The following TCERG1L variants were observed in gnomAD, a reference collection of about 807,000 sequenced individuals.
TCERG1L encodes the protein transcription elongation regulator 1-like protein.
In TCERG1L, 37 loss-of-function variants were observed where a neutral mutation model predicts 56.3. That is an observed-to-expected ratio of 0.66 (90% CI 0.51 to 0.87). The LOEUF (loss-of-function observed/expected upper bound fraction) is 0.87, where lower values mean the gene tolerates loss of function less well. TCERG1L is among the 40% of genes least tolerant of loss of function. The probability of loss-of-function intolerance (pLI) is 0.00; values close to 1 mark genes in which losing one functional copy is unlikely to be tolerated. For missense variants in TCERG1L, 799 were observed against 774.2 expected (o/e 1.03, Z -0.38); for synonymous variants, 324 against 326.3 (o/e 0.99, Z 0.08).
intron 6 of TCERG1L, among the ~76,000 whole-genome samples, chr10:131,151,704 ACTCTGTGTGGGGG>A (rs1485114936): frequency 6.6e-6 from 1 of 151,786 alleles, no homozygotes; most frequent in East Asian, 1.9e-4. Context: ...CCCAGTAGAG[ACTCTGTGTGGGGG>A]CTCTGACCCC....
intron 10 of TCERG1L, among the ~76,000 whole-genome samples, chr10:131,102,659 T>C (rs1845315222): frequency 6.6e-6 from 1 of 152,130 alleles, no homozygotes; most frequent in Non-Finnish European, 1.5e-5. Context: ...CGGCTCTTCT[T>C]GATAGCTCCC....
chr10:131,268,931 A>C (rs1846310649), intron 3 of TCERG1L, among the ~76,000 whole-genome samples: 1 of 152,106 alleles, frequency 6.6e-6, no homozygotes, highest in Non-Finnish European at 1.5e-5. Context: ...AGGCTGTTTC[A>C]CTTTATCTTT....
At chr10:131,135,938 C>T (rs1234644084) in intron 7 of TCERG1L, among the ~76,000 whole-genome samples, 3 of 152,230 alleles carry the variant, frequency 2.0e-5, no homozygotes, top group East Asian at 1.9e-4. Context: ...GGCTTTTCAG[C>T]GGCCCCTGGT....
intron 4 of TCERG1L, among the ~76,000 whole-genome samples, chr10:131,211,967 A>G (rs1232905405): frequency 6.6e-6 from 1 of 152,234 alleles, no homozygotes; most frequent in Non-Finnish European, 1.5e-5. Flanking sequence ...GACCATCCAC[A>G]GATCTTTCCT....
At chr10:131,282,355 CAG>C (rs1846469261) in intron 3 of TCERG1L, among the ~76,000 whole-genome samples, 1 of 132,826 alleles carries the variant, frequency 7.5e-6, no homozygotes, top group Non-Finnish European at 1.7e-5. Flanking sequence ...GTTTTAGAAA[CAG>C]ACATTATTTT....
intron 4 of TCERG1L, among the ~76,000 whole-genome samples, chr10:131,216,830 A>C (rs1845674552): frequency 6.6e-6 from 1 of 152,204 alleles, no homozygotes; most frequent in Non-Finnish European, 1.5e-5. Flanking sequence ...AGCTGTCCGC[A>C]GAGGGAAGTG....
intron 4 of TCERG1L, among the ~76,000 whole-genome samples, chr10:131,248,765 C>T (rs929199369): frequency 6.6e-6 from 1 of 152,220 alleles, no homozygotes; most frequent in Non-Finnish European, 1.5e-5. Flanking sequence ...CTGCCCAAGT[C>T]TCCGGCAGAG....
In TCERG1L at chr10:131,104,312, C is replaced by T. The variant is rs764243476; in HGVS notation, c.1438G>A (p.Val480Met). 5 of 1,550,768 alleles carry T rather than the reference C, an allele frequency of 3.2e-6. No individual in the cohort carries two copies. Among genetic ancestry groups the T allele is most frequent in the Middle Eastern group, 3.3e-4 (2 of 6,014 alleles). The change falls in exon 10 of 12, where the codon GTG (valine) becomes ATG (methionine). Residue 480 changes from valine to methionine, a missense_variant. Transcript: ENST00000368642. The stretch of plus-strand genomic sequence containing the variant: ...AGCAGGAGATAGCGTGGGTCAAACA[C>T]GATTTTGTGTAATTCTTTCTCCCAG... ...STWEKELHKI[V>M]FDPRYLLLNS...
intron 3 of TCERG1L, among the ~76,000 whole-genome samples, chr10:131,273,537 T>A (rs1846361575): frequency 6.6e-6 from 1 of 152,180 alleles, no homozygotes; most frequent in Non-Finnish European, 1.5e-5. Flanking sequence ...ACTCTCAAAG[T>A]GAAACGCAGT....
At position 131,137,476 on chromosome 10, in the gene TCERG1L, G is replaced by A. The variant is rs530729762; in HGVS notation, c.1190-3028C>T. Among the ~76,000 whole-genome samples the A allele has an allele frequency of 8.9e-4, 136 of 152,330 alleles. 1 individual carries two copies. Among genetic ancestry groups the A allele is most frequent in the African/African-American group, 2.8e-3 (118 of 41,580 alleles). ...TGACTGCCTTTCTGCACCTCGTGGCGTTTGAAATCTTTTCCAAGGTGTGCC... is the reference window on the plus strand; with the variant it reads ...TGACTGCCTTTCTGCACCTCGTGGCATTTGAAATCTTTTCCAAGGTGTGCC... On this transcript the variant is annotated intron_variant, in intron 7 of 11. Coordinates refer to ENST00000368642, the MANE Select transcript of TCERG1L (RefSeq NM_174937.4).
At chr10:131,135,822 G>C (rs1020330762) in intron 7 of TCERG1L, among the ~76,000 whole-genome samples, 1 of 152,262 alleles carries the variant, frequency 6.6e-6, no homozygotes. Flanking sequence ...CTTCTGAAAG[G>C]ATGTAGGCCT....
chr10:131,178,311 C>T (rs1228859292), intron 4 of TCERG1L, among the ~76,000 whole-genome samples: 1 of 152,146 alleles, frequency 6.6e-6, no homozygotes, highest in Non-Finnish European at 1.5e-5. Context: ...AGCGCGGGGC[C>T]CTGGACGTAC....
chr10:131,281,128 A>T (rs1235333402), intron 3 of TCERG1L, among the ~76,000 whole-genome samples: 1 of 152,222 alleles, frequency 6.6e-6, no homozygotes, highest in Non-Finnish European at 1.5e-5. Context: ...CAATGGCAAT[A>T]ATCTACTAGC....
chr10:131,290,450 G>A (rs1335992640), intron 3 of TCERG1L, among the ~76,000 whole-genome samples: 2 of 152,060 alleles, frequency 1.3e-5, no homozygotes, highest in African/African-American at 4.8e-5. Context: ...TGACCAACAT[G>A]GAGAAACCCC....
rs140971669 is a variant in TCERG1L at position 131,244,689 on chromosome 10, C to A, written c.856+15570G>T. On this transcript the variant is annotated intron_variant, in intron 4 of 11. Transcript: ENST00000368642. ...CCTGGGGAGGGTCTGGTTAGGATGG[C>A]CAATTGGGGAGGGCTTCCAGAGCTC... Among the ~76,000 whole-genome samples the A allele has an allele frequency of 2.2e-3, 335 of 152,180 alleles. 2 individuals are homozygous for A. The highest frequency in any genetic ancestry group is 6.5e-3 in the African/African-American group (270 of 41,514).
chr10:131,171,551 T>C (rs1589735837), intron 4 of TCERG1L, among the ~76,000 whole-genome samples: 1 of 152,220 alleles, frequency 6.6e-6, no homozygotes, highest in African/African-American at 2.4e-5. Flanking sequence ...AGCAAATGCT[T>C]CTTACATTGA....
In TCERG1L at chr10:131,260,112, C is replaced by G; in HGVS notation, c.856+147G>C. 5.7e-6 allele frequency: 7 copies of G among 1,228,790 alleles called. No homozygotes were observed. Among genetic ancestry groups the G allele is most frequent in the Non-Finnish European group, 7.1e-6 (7 of 984,754 alleles). The allele number at this position is 1,228,790 out of a possible 1,614,324, so 76.1% of individuals were successfully genotyped here. A position where few individuals can be genotyped will look rare whatever the true frequency, so the allele number is the denominator to read the frequency against. On this transcript the variant is annotated intron_variant, in intron 4 of 11. Transcript: ENST00000368642. This position sits in a 1 kb window ranked among gnomAD's most constrained non-coding sequence, Gnocchi z 5.8. Reference sequence around the variant, plus strand: ...GCAGGGTCCGAAGTCAAGCAAAGCCCAAACGGCCCCAGCCGAATGTTTCCC... The same window carrying G: ...GCAGGGTCCGAAGTCAAGCAAAGCCGAAACGGCCCCAGCCGAATGTTTCCC...
At chr10:131,182,009 CGT>C (rs1845183941) in intron 4 of TCERG1L, among the ~76,000 whole-genome samples, 1 of 151,908 alleles carries the variant, frequency 6.6e-6, no homozygotes, top group Admixed American at 6.6e-5. Context: ...CATAGCACAC[CGT>C]GTGTATGTGT....
chr10:131,147,396 G>A (rs1449387585), intron 6 of TCERG1L, among the ~76,000 whole-genome samples: 1 of 152,240 alleles, frequency 6.6e-6, no homozygotes, highest in Non-Finnish European at 1.5e-5. Context: ...GGGTCCGGGA[G>A]CCTGCGGCAT....
Sources: gnomAD v4.1 joint callset for allele counts (sites outside exome capture counted in the v4.1 genomes callset) on GRCh38, gnomAD v4.1.1 for gene constraint, Gnocchi (gnomAD v3.1) non-coding constraint, MANE v1.5 for transcripts, NCBI Gene and HGNC (gene_info 2026-07-23, HGNC 2026-07-21) for gene names.